The following PCDH9 variants were observed in gnomAD, a reference collection of about 807,000 sequenced individuals.
PCDH9 encodes the protein protocadherin 9.
A neutral mutation model predicts 70.6 loss-of-function variants in PCDH9; 24 were observed. That is an observed-to-expected ratio of 0.34 (90% CI 0.25 to 0.48). PCDH9 has a LOEUF of 0.48. PCDH9 is among the 20% of genes least tolerant of loss of function. The pLI, the probability that PCDH9 is intolerant of heterozygous loss-of-function variation, is 0.99. For synonymous variants in PCDH9, 562 were observed against 558.5 expected, an observed-to-expected ratio of 1.01 and a Z score of -0.09; for missense variants, 1,281 against 1,503.6, an observed-to-expected ratio of 0.85 and a Z score of 2.45.
chr13:66,705,030 T>C (rs1490021271), intron 3 of PCDH9, among the ~76,000 whole-genome samples: 2 of 152,142 alleles, frequency 1.3e-5, no homozygotes, highest in Non-Finnish European at 2.9e-5. Context: ...TAATGTTCCA[T>C]AAAATTTAGG....
chr13:66,955,844 TA>T (rs1389869373), intron 2 of PCDH9, among the ~76,000 whole-genome samples: 1 of 152,016 alleles, frequency 6.6e-6, no homozygotes, highest in African/African-American at 2.4e-5. Flanking sequence ...TATAAGAACA[TA>T]GGGCTGTTGG....
chr13:66,992,718 G>A (rs977588957), intron 2 of PCDH9, among the ~76,000 whole-genome samples: 2 of 152,146 alleles, frequency 1.3e-5, no homozygotes, highest in East Asian at 3.9e-4. Flanking sequence ...GCAACAAACT[G>A]AACTGATAAA....
intron 3 of PCDH9, among the ~76,000 whole-genome samples, chr13:66,843,394 ACG>A (rs2081150018): frequency 6.6e-6 from 1 of 152,132 alleles, no homozygotes; most frequent in African/African-American, 2.4e-5. Flanking sequence ...AATTACACAC[ACG>A]TTATAAAATG....
intron 2 of PCDH9, chr13:67,220,447 C>G (rs2089699438): frequency 6.6e-6 from 1 of 151,788 alleles, no homozygotes; most frequent in Non-Finnish European, 1.5e-5. Context: ...ATTCCCTCTA[C>G]TTTACTATTT....
At chr13:66,721,459 C>T (rs780943945) in intron 3 of PCDH9, among the ~76,000 whole-genome samples, 17 of 152,122 alleles carry the variant, frequency 1.1e-4, no homozygotes, top group Non-Finnish European at 2.4e-4. Flanking sequence ...TTAACATTTA[C>T]AGAACGTGCA....
At chr13:66,363,957 C>G (rs377609296) in intron 4 of PCDH9, among the ~76,000 whole-genome samples, 1 of 152,068 alleles carries the variant, frequency 6.6e-6, no homozygotes, top group East Asian at 1.9e-4. Context: ...GAGTTCGAGA[C>G]CAGCCTGGCC....
At chr13:66,820,494 C>T (rs1273076818) in intron 3 of PCDH9, among the ~76,000 whole-genome samples, 6 of 152,168 alleles carry the variant, frequency 3.9e-5, no homozygotes, top group Admixed American at 3.9e-4. Flanking sequence ...AATCCTATTA[C>T]TGGGTATATA....
At chr13:66,934,176 G>A (rs145950869) in intron 2 of PCDH9, among the ~76,000 whole-genome samples, 14 of 152,102 alleles carry the variant, frequency 9.2e-5, no homozygotes, top group African/African-American at 3.4e-4. Flanking sequence ...ATGGCATTGT[G>A]GTTATCTAAA....
intron 3 of PCDH9, among the ~76,000 whole-genome samples, chr13:66,846,400 C>T (rs565051623): frequency 6.6e-6 from 1 of 152,212 alleles, no homozygotes; most frequent in South Asian, 2.1e-4. Context: ...TATATGAATG[C>T]CTTTTTTCAC....
intron 2 of PCDH9, among the ~76,000 whole-genome samples, chr13:67,200,796 C>A (rs1214212837): frequency 6.6e-6 from 1 of 151,954 alleles, no homozygotes; most frequent in Non-Finnish European, 1.5e-5. Flanking sequence ...GGGGGAAGCC[C>A]AGCCTGTGTC....
chr13:66,509,244 T>C (rs1316505117), intron 4 of PCDH9, among the ~76,000 whole-genome samples: 2 of 152,254 alleles, frequency 1.3e-5, no homozygotes, highest in Admixed American at 1.3e-4. Context: ...CTCTGACTCT[T>C]TAAAATGTAG....
intron 4 of PCDH9, among the ~76,000 whole-genome samples, chr13:66,480,083 C>T (rs1958810350): frequency 6.6e-6 from 1 of 152,162 alleles, no homozygotes; most frequent in Non-Finnish European, 1.5e-5. Flanking sequence ...AGACCAAGAA[C>T]CCACCAGAAG....
At chr13:66,359,641 AC>A (rs1956436588) in intron 4 of PCDH9, among the ~76,000 whole-genome samples, 1 of 152,106 alleles carries the variant, frequency 6.6e-6, no homozygotes, top group South Asian at 2.1e-4. Flanking sequence ...AAACATTGAG[AC>A]TGTCTAGTAA....
chr13:67,175,051 G>A (rs2088413685), intron 2 of PCDH9, among the ~76,000 whole-genome samples: 1 of 151,726 alleles, frequency 6.6e-6, no homozygotes, highest in African/African-American at 2.4e-5. Context: ...TGGGAGGATT[G>A]CTTGAGCCCA....
intron 2 of PCDH9, chr13:67,201,906 CATTT>C (rs1347931565): frequency 6.6e-6 from 1 of 151,956 alleles, no homozygotes; most frequent in Non-Finnish European, 1.5e-5. Flanking sequence ...AAGGGTTTTA[CATTT>C]ATTATTATTC....
intron 4 of PCDH9, among the ~76,000 whole-genome samples, chr13:66,329,712 A>C (rs1955906016): frequency 6.6e-6 from 1 of 152,114 alleles, no homozygotes; most frequent in African/African-American, 2.4e-5. Context: ...TAATAGACTA[A>C]TGTGTGCTTG....
At chr13:67,156,499 G>A (rs935444828) in intron 2 of PCDH9, among the ~76,000 whole-genome samples, 2 of 151,982 alleles carry the variant, frequency 1.3e-5, no homozygotes, top group African/African-American at 2.4e-5. Context: ...GGAGTTTGGT[G>A]GGGGCAGTGG....
At chr13:67,154,167 C>CTA in intron 2 of PCDH9, among the ~76,000 whole-genome samples, 1 of 152,200 alleles carries the variant, frequency 6.6e-6, no homozygotes, top group African/African-American at 2.4e-5. Context: ...AGAAAAGATT[C>CTA]TATAGTCAGG....
intron 4 of PCDH9, among the ~76,000 whole-genome samples, chr13:66,562,856 A>C (rs546725346): frequency 4.6e-4 from 70 of 152,282 alleles, no homozygotes; most frequent in Admixed American, 1.2e-3. Context: ...AAACGAAACT[A>C]GCAGTTTATG....
Sources: gnomAD v4.1 joint callset for allele counts (sites outside exome capture counted in the v4.1 genomes callset) on GRCh38, gnomAD v4.1.1 for gene constraint, MANE v1.5 for transcripts, NCBI Gene and HGNC (gene_info 2026-07-23, HGNC 2026-07-21) for gene names.